Variants in NCAPG2 observed in about 807,000 individuals in gnomAD.
The protein encoded by NCAPG2 is non-SMC condensin II complex subunit G2.
In NCAPG2, 53 loss-of-function variants were observed where a neutral mutation model predicts 141.1. The observed-to-expected ratio is 0.38, with a 90% CI of 0.30 to 0.47. The LOEUF is 0.47. Ranked by LOEUF, NCAPG2 falls within the 20% of genes least tolerant of loss-of-function variation. NCAPG2 has a pLI of 0.99. For synonymous variants in NCAPG2, 499 were observed against 490.7 expected, an observed-to-expected ratio of 1.02 and a Z score of -0.22; for missense variants, 1,087 against 1,389.0, an observed-to-expected ratio of 0.78 and a Z score of 3.46.
intron 25 of NCAPG2, 115 bp from the exon 26 acceptor site, chr7:158,645,734 T>TG: frequency 2.3e-6 from 2 of 882,206 alleles, no homozygotes; most frequent in East Asian, 5.3e-5. Context: ...GCAGGGGACG[T>TG]GGGAAGGTGA....
Position 158,662,223 on chromosome 7 carries a change from C to T in NCAPG2, c.1960G>A (p.Val654Met). The T allele has an allele frequency of 6.2e-7, 1 of 1,608,894 alleles. No homozygotes were observed. The highest frequency in any genetic ancestry group is 8.5e-7 in the Non-Finnish European group (1 of 1,178,446). ...KLYTINKFAS[V>M]LPEYLKVFKD... Reference sequence around the variant, plus strand: ...AATACTTTCAGATACTCTGGAAGCACAGAGGCAAACTTGTTAATCGTGTAA... The same window carrying T: ...AATACTTTCAGATACTCTGGAAGCATAGAGGCAAACTTGTTAATCGTGTAA... The change falls in exon 16 of 28, where the codon GTG becomes ATG. Residue 654 changes from valine (V) to methionine (M), a missense_variant. Coordinates refer to ENST00000356309, the MANE Select transcript of NCAPG2 (RefSeq NM_017760.7).
chr7:158,634,484 C>T (rs1021123171), intron 27 of NCAPG2, among the ~76,000 whole-genome samples: 5 of 152,122 alleles, frequency 3.3e-5, no homozygotes, highest in Non-Finnish European at 7.4e-5. Flanking sequence ...CCATTTTTGT[C>T]CCAAATATTG....
At chr7:158,646,310 G>T in intron 25 of NCAPG2, 150 bp downstream of exon 25, 1 of 567,602 alleles carries the variant, frequency 1.8e-6, no homozygotes. Context: ...TCTAATTACT[G>T]ATAAAATGGA....
intron 16 of NCAPG2, among the ~76,000 whole-genome samples, chr7:158,661,026 A>C (rs552561818): frequency 6.6e-6 from 1 of 152,324 alleles, no homozygotes; most frequent in Non-Finnish European, 1.5e-5. Flanking sequence ...TGAGTCCATT[A>C]AACCTCTTTT....
intron 13 of NCAPG2, chr7:158,667,059 C>G: frequency 1.1e-6 from 1 of 905,560 alleles, no homozygotes; most frequent in Non-Finnish European, 1.3e-6. Context: ...CTCTGGCCAG[C>G]CAGACTGCCT....
intron 25 of NCAPG2, 95 bp from the exon 26 acceptor site, chr7:158,645,714 A>C: frequency 2.7e-6 from 3 of 1,118,000 alleles, no homozygotes; most frequent in Non-Finnish European, 3.9e-6. Flanking sequence ...ACAACCACAA[A>C]CCCCAGTTTG....
At chr7:158,683,055 C>G (rs2129467919) in intron 9 of NCAPG2, among the ~76,000 whole-genome samples, 1 of 152,230 alleles carries the variant, frequency 6.6e-6, no homozygotes, top group Middle Eastern at 3.4e-3. Context: ...TGGAAAATCT[C>G]AAGACAGAGA....
intron 16 of NCAPG2, among the ~76,000 whole-genome samples, chr7:158,660,617 T>C (rs989687974): frequency 1.3e-5 from 2 of 152,070 alleles, no homozygotes; most frequent in Non-Finnish European, 2.9e-5. Context: ...GGTCTCACTA[T>C]GTTGCCCAGG....
chr7:158,640,052 C>CAAAAAAAAAAAAAAAAAAGA, intron 27 of NCAPG2: 1 of 98,324 alleles, frequency 1.0e-5, no homozygotes, highest in Non-Finnish European at 2.0e-5. Flanking sequence ...GAATAAATGC[C>CAAAAAAAAAAAAAAAAAAGA]AAAAAAAAAA....
intron 23 of NCAPG2, 146 bp downstream of exon 23, chr7:158,652,147 A>T: frequency 1.3e-6 from 1 of 774,494 alleles, no homozygotes; most frequent in Non-Finnish European, 2.1e-6. Flanking sequence ...CATCTCTCTC[A>T]GTGCACCTCG....
intron 15 of NCAPG2, among the ~76,000 whole-genome samples, chr7:158,662,624 C>T (rs1189072295): frequency 6.6e-6 from 1 of 152,288 alleles, no homozygotes; most frequent in African/African-American, 2.4e-5. Context: ...AAAAGGAAAA[C>T]GTATCAACTA....
At chr7:158,643,046 T>C (rs1830753587) in intron 27 of NCAPG2, among the ~76,000 whole-genome samples, 1 of 152,204 alleles carries the variant, frequency 6.6e-6, no homozygotes, top group South Asian at 2.1e-4. Flanking sequence ...CACTGCAACC[T>C]CCACCTCCCA....
intron 13 of NCAPG2, chr7:158,668,244 C>A: frequency 2.1e-6 from 1 of 474,628 alleles, no homozygotes; most frequent in African/African-American, 8.3e-5. Flanking sequence ...CCTCTGCCCT[C>A]CTTACCCACT....
Position 158,675,536 on chromosome 7 carries a change from C to T in NCAPG2, c.1267G>A (p.Val423Met), listed in dbSNP as rs1366551174. 1 of 1,613,308 alleles carries T rather than the reference C, an allele frequency of 6.2e-7. No homozygotes were observed. The highest frequency in any genetic ancestry group is 1.1e-5 in the South Asian group (1 of 90,744). ...GTGTCAAATGCCAGTTCCCCAGTCACCTTCTTCAGGAGGTCAATAAGAATG... is the reference window on the plus strand; with the variant it reads ...GTGTCAAATGCCAGTTCCCCAGTCATCTTCTTCAGGAGGTCAATAAGAATG... Reference protein sequence around the residue: ...PTILIDLLKKVTGELAFDTSS... With the variant: ...PTILIDLLKKMTGELAFDTSS... The change falls in exon 12 of 28, where the codon GTG (valine) becomes ATG (methionine). Residue 423 changes from valine to methionine, a missense_variant. Transcript: ENST00000356309.
chr7:158,670,363 T>G (rs917216980), intron 13 of NCAPG2, among the ~76,000 whole-genome samples: 9 of 152,190 alleles, frequency 5.9e-5, no homozygotes, highest in East Asian at 5.8e-4. Context: ...CCCAGGAGTT[T>G]GAGACCAGCC....
chr7:158,640,184 A>AAAAAG (rs1830548468), intron 27 of NCAPG2: 1 of 152,242 alleles, frequency 6.6e-6, no homozygotes, highest in East Asian at 1.9e-4. Flanking sequence ...CTGAGGAGCA[A>AAAAAG]AAAAGAATTA....
At chr7:158,671,418 T>C (rs1833675324) in intron 13 of NCAPG2, 96 bp downstream of exon 13, 2 of 1,404,630 alleles carry the variant, frequency 1.4e-6, no homozygotes, top group Non-Finnish European at 1.0e-6. Context: ...ATATCAGTTA[T>C]CAGTTTAAAA....
At chr7:158,650,720 T>G in intron 24 of NCAPG2, 112 bp downstream of exon 24, 6 of 1,372,836 alleles carry the variant, frequency 4.4e-6, no homozygotes, top group Non-Finnish European at 4.9e-6. Context: ...TCACTCAAGT[T>G]TGAAAATTCT....
Position 158,652,371 on chromosome 7 carries a change from G to C in NCAPG2, c.2856C>G (p.Asp952Glu), listed in dbSNP as rs80143472. 3.1e-3 allele frequency: 4,949 copies of C among 1,613,948 alleles called. 240 individuals are homozygous for C. The East Asian group carries it at 0.096, about 31-fold the overall frequency. The change falls in exon 23 of 28, where the codon GAC becomes GAG. Residue 952 changes from aspartate to glutamate, a missense_variant. Coordinates refer to ENST00000356309, the MANE Select transcript of NCAPG2 (RefSeq NM_017760.7). ...DSDEEVAMLL[D>E]TVQKVFQKML... ...TTTTCTGAAATACTTTCTGGACTGT[G>C]TCCAACAGCATTGCAACTTCTTCAT...
Sources: gnomAD v4.1 joint callset for allele counts (sites outside exome capture counted in the v4.1 genomes callset) on GRCh38, gnomAD v4.1.1 for gene constraint, MANE v1.5 for transcripts, NCBI Gene and HGNC (gene_info 2026-07-23, HGNC 2026-07-21) for gene names.